Variants in PBX1 observed in about 807,000 individuals in gnomAD.
PBX1 encodes PBX homeobox 1.
In PBX1, 6 loss-of-function variants were observed where a neutral mutation model predicts 53.4. The observed-to-expected ratio is 0.11, with a 90% CI of 0.06 to 0.22. PBX1 has a LOEUF of 0.22. PBX1 is among the 10% of genes least tolerant of loss of function. PBX1 has a pLI of 1.00. For synonymous variants in PBX1, 204 were observed against 212.3 expected (o/e 0.96, Z 0.34); for missense variants, 251 against 551.4 (o/e 0.46, Z 5.46).
rs1019434644 is a variant in PBX1, at chr1:164,732,317, G to A, written c.266-60177G>A. On this transcript the variant is annotated intron_variant, in intron 2 of 8. Transcript: ENST00000420696. ...TAATTCTACAAATATGAGGATTAGTGCCACCCCAAATACCTGTTCCCCAAC... is the reference window on the plus strand; with the variant it reads ...TAATTCTACAAATATGAGGATTAGTACCACCCCAAATACCTGTTCCCCAAC... Among the ~76,000 whole-genome samples, 6 of 152,182 alleles carry A rather than the reference G, an allele frequency of 3.9e-5. No individual in the cohort carries two copies. The East Asian group carries it at 1.2e-3, about 29-fold the overall frequency.
intron 2 of PBX1, among the ~76,000 whole-genome samples, chr1:164,709,319 A>G (rs1369467053): frequency 6.6e-6 from 1 of 152,222 alleles, no homozygotes; most frequent in African/African-American, 2.4e-5. Flanking sequence ...CCAGTTGCTT[A>G]TTTCAGGAAA....
At chr1:164,618,059 A>G (rs961686180) in intron 2 of PBX1, among the ~76,000 whole-genome samples, 1 of 152,194 alleles carries the variant, frequency 6.6e-6, no homozygotes, top group African/African-American at 2.4e-5. Flanking sequence ...TGCAAAGAGC[A>G]GAGATCATAA....
At chr1:164,597,075 C>A (rs1269041618) in intron 2 of PBX1, among the ~76,000 whole-genome samples, 1 of 152,210 alleles carries the variant, frequency 6.6e-6, no homozygotes, top group Non-Finnish European at 1.5e-5. Flanking sequence ...GTTCCAGGAT[C>A]TACACTTAGC....
At chr1:164,745,658 T>TGGGCTAATA (rs1665854580) in intron 2 of PBX1, among the ~76,000 whole-genome samples, 1 of 152,230 alleles carries the variant, frequency 6.6e-6, no homozygotes, top group African/African-American at 2.4e-5. Flanking sequence ...GTCAACCAGC[T>TGGGCTAATA]ACAGGCTGGG....
chr1:164,724,226 G>A (rs1047468618), intron 2 of PBX1, among the ~76,000 whole-genome samples: 3 of 152,176 alleles, frequency 2.0e-5, no homozygotes, highest in Non-Finnish European at 2.9e-5. Context: ...TCAAAAGGTC[G>A]TAAGTCAAAT....
intron 2 of PBX1, among the ~76,000 whole-genome samples, chr1:164,584,542 C>T (rs1390352006): frequency 1.3e-5 from 2 of 152,154 alleles, no homozygotes; most frequent in African/African-American, 4.8e-5. Flanking sequence ...AGAAAGGTTT[C>T]TGGTTTGGAT....
At chr1:164,681,490 T>G (rs536609517) in intron 2 of PBX1, among the ~76,000 whole-genome samples, 29 of 152,324 alleles carry the variant, frequency 1.9e-4, no homozygotes, top group Non-Finnish European at 1.5e-4. Context: ...CAAGGTTAAT[T>G]ATAGCCTCCT....
At chr1:164,603,928 CA>C (rs760025870) in intron 2 of PBX1, among the ~76,000 whole-genome samples, 10 of 48,762 alleles carry the variant, frequency 2.1e-4, no homozygotes, top group Middle Eastern at 0.013. Context: ...TATGTCATTT[CA>C]TTTTTTTTTT....
intron 2 of PBX1, among the ~76,000 whole-genome samples, chr1:164,587,875 C>T (rs1400145035): frequency 6.6e-6 from 1 of 152,204 alleles, no homozygotes; most frequent in Non-Finnish European, 1.5e-5. Flanking sequence ...GATCCTCCTT[C>T]TCATCCCCCA....
chr1:164,855,673 A>G (rs1171617124), downstream of PBX1, among the ~76,000 whole-genome samples: 1 of 152,226 alleles, frequency 6.6e-6, no homozygotes, highest in Non-Finnish European at 1.5e-5. Context: ...AGCAGGAAAG[A>G]CAGAGAGCAC....
chr1:164,631,152 G>A (rs1439502554), intron 2 of PBX1: 2 of 152,122 alleles, frequency 1.3e-5, no homozygotes, highest in African/African-American at 4.8e-5. Context: ...CTATTACTGT[G>A]TTGTTTTTGT....
intron 8 of PBX1, chr1:164,828,428 A>G (rs1422963928): frequency 6.6e-6 from 1 of 152,188 alleles, no homozygotes; most frequent in East Asian, 1.9e-4. Context: ...CCATTTATAA[A>G]CAATTATTGT....
chr1:164,571,304 G>A (rs1166535600), intron 2 of PBX1, among the ~76,000 whole-genome samples: 2 of 151,728 alleles, frequency 1.3e-5, no homozygotes, highest in Non-Finnish European at 2.9e-5. Flanking sequence ...CAGCCTCCTT[G>A]CCCCCTAAAA....
At chr1:164,652,944 G>T (rs940311012) in intron 2 of PBX1, among the ~76,000 whole-genome samples, 8 of 150,528 alleles carry the variant, frequency 5.3e-5, no homozygotes, top group Non-Finnish European at 1.5e-5. Flanking sequence ...ACCTTGGCTT[G>T]CTTCAATCTC....
At position 164,800,689 on chromosome 1, in the gene PBX1, TA is replaced by T. The variant is rs775578064; in HGVS notation, c.701+801del. On this transcript the variant is annotated intron_variant, in intron 4 of 8. Coordinates refer to ENST00000420696, the MANE Select transcript of PBX1 (RefSeq NM_002585.4). ...TAGTCGTCATATCTTTCATCTACTC[TA>T]GAAGAATATTTTGATAATTCATCTA... Among the ~76,000 whole-genome samples the T allele has an allele frequency of 5.9e-5, 9 of 152,364 alleles. No homozygotes were observed. The East Asian group carries it at 1.7e-3, about 29-fold the overall frequency.
chr1:164,617,570 C>T (rs1412529350), intron 2 of PBX1, among the ~76,000 whole-genome samples: 1 of 152,190 alleles, frequency 6.6e-6, no homozygotes, highest in African/African-American at 2.4e-5. Flanking sequence ...AACTACAGGG[C>T]TTCCCCGAGG....
chr1:164,870,266 CTTCTTTCTTTCT>C (rs1162744857), intron 2 of PBX1, among the ~76,000 whole-genome samples: 49 of 45,192 alleles, frequency 1.1e-3, no homozygotes, highest in East Asian at 1.7e-3. Context: ...TCCTTCCTTC[CTTCTTTCTTTCT>C]TTCTTTCTTT....
chr1:164,712,017 C>G (rs543147710), intron 2 of PBX1, among the ~76,000 whole-genome samples: 2 of 146,260 alleles, frequency 1.4e-5, no homozygotes, highest in African/African-American at 5.0e-5. Context: ...CCCCCCACCT[C>G]AAACCCCCCC....
chr1:164,799,189 T>C (rs969834771), intron 3 of PBX1, among the ~76,000 whole-genome samples: 3 of 152,106 alleles, frequency 2.0e-5, no homozygotes, highest in African/African-American at 7.2e-5. Context: ...TTTTTTCTCT[T>C]AAAAAAATCC....
Sources: allele counts gnomAD v4.1 joint callset (sites outside exome capture counted in the v4.1 genomes callset), GRCh38; gene constraint gnomAD v4.1.1; transcripts MANE v1.5; gene names NCBI Gene and HGNC (gene_info 2026-07-23, HGNC 2026-07-21).